Variants in TMTC2 observed in about 807,000 individuals in gnomAD.
TMTC2 encodes the protein protein O-mannosyl-transferase TMTC2.
TMTC2 carries 43 observed loss-of-function variants against 82.4 expected under a neutral mutation model. That is an observed-to-expected ratio of 0.52 (90% CI 0.41 to 0.67). The LOEUF (loss-of-function observed/expected upper bound fraction) is 0.67, where lower values mean the gene tolerates loss of function less well. TMTC2 is among the 30% of genes least tolerant of loss of function. The pLI, the probability that TMTC2 is intolerant of heterozygous loss-of-function variation, is 0.00. For missense variants in TMTC2, 919 were observed against 1,012.4 expected, an observed-to-expected ratio of 0.91 and a Z score of 1.25; for synonymous variants, 408 against 381.9, an observed-to-expected ratio of 1.07 and a Z score of -0.80.
At chr12:82,954,151 C>A (rs947451750) in intron 4 of TMTC2, among the ~76,000 whole-genome samples, 1 of 152,074 alleles carries the variant, frequency 6.6e-6, no homozygotes, top group Non-Finnish European at 1.5e-5. Context: ...ATTTTATTTT[C>A]ATGAAGCCTG....
chr12:82,801,206 C>T lies in TMTC2; in HGVS notation c.84-55804C>T, dbSNP rs552908587. On this transcript the variant is annotated intron_variant, in intron 1 of 11. Transcript: ENST00000321196. ...GGTCTCACTGACTTCAAGAATGAAG[C>T]CGCGGACCCTTGCGGTGAGTGTTAC... Among the ~76,000 whole-genome samples, 6 of 152,118 alleles carry T rather than the reference C, an allele frequency of 3.9e-5. No individual in the cohort carries two copies. In the East Asian group the frequency reaches 1.2e-3, roughly 29 times the overall value.
rs936295933 is a variant in TMTC2, at chr12:82,881,358, G to A, written c.655-14460G>A. The stretch of plus-strand genomic sequence containing the variant: ...ATTTGTGTATTAACTTTCCGACATC[G>A]TAATTTCCATTCATGATTTTAAAAG... On this transcript the variant is annotated intron_variant, in intron 2 of 11. Transcript: ENST00000321196. Among the ~76,000 whole-genome samples the A allele has an allele frequency of 2.6e-5, 4 of 152,180 alleles. No individual in the cohort carries two copies. In the South Asian group the frequency reaches 6.2e-4, roughly 24 times the overall value.
chr12:82,901,504 A>G (rs1396829640), intron 3 of TMTC2, among the ~76,000 whole-genome samples: 3 of 151,150 alleles, frequency 2.0e-5, no homozygotes, highest in South Asian at 4.2e-4. Flanking sequence ...GGGTTTCACT[A>G]TCTTGGCCAG....
chr12:82,941,334 C>G (rs1876707639), intron 4 of TMTC2, among the ~76,000 whole-genome samples: 1 of 152,106 alleles, frequency 6.6e-6, no homozygotes, highest in Non-Finnish European at 1.5e-5. Flanking sequence ...CCATTTTCCC[C>G]TAGCACTGAG....
At chr12:83,049,764 T>A (rs1882280098) in intron 9 of TMTC2, among the ~76,000 whole-genome samples, 1 of 152,228 alleles carries the variant, frequency 6.6e-6, no homozygotes, top group African/African-American at 2.4e-5. Flanking sequence ...GCTGAACTAG[T>A]TTGCATTCCC....
At chr12:83,045,917 G>A (rs981557509) in intron 9 of TMTC2, among the ~76,000 whole-genome samples, 6 of 152,048 alleles carry the variant, frequency 3.9e-5, no homozygotes, top group African/African-American at 1.4e-4. Flanking sequence ...GGAGTTGTGC[G>A]AGTGGGGAGA....
chr12:82,795,102 C>T (rs12427130), intron 1 of TMTC2, among the ~76,000 whole-genome samples: 48,980 of 151,572 alleles, frequency 0.32, 8,046 homozygotes, highest in Middle Eastern at 0.55. Context: ...GTCAGGAGTT[C>T]GAGACCAGCG....
At chr12:82,875,366 A>T (rs964601958) in intron 2 of TMTC2, among the ~76,000 whole-genome samples, 1 of 147,778 alleles carries the variant, frequency 6.8e-6, no homozygotes, top group African/African-American at 2.7e-5. Flanking sequence ...ATTAAATCAT[A>T]TATGTGTGTA....
intron 7 of TMTC2, among the ~76,000 whole-genome samples, chr12:82,970,143 T>G (rs1271036426): frequency 1.3e-5 from 2 of 152,228 alleles, no homozygotes; most frequent in Admixed American, 1.3e-4. Flanking sequence ...CTTTGATACT[T>G]TCTCCCTGAG....
At chr12:82,808,362 G>A (rs1016714340) in intron 1 of TMTC2, among the ~76,000 whole-genome samples, 2 of 151,832 alleles carry the variant, frequency 1.3e-5, no homozygotes, top group South Asian at 2.1e-4. Flanking sequence ...TTTCTTTAGC[G>A]AATATAAGAA....
chr12:82,756,510 G>A (rs368840687), intron 1 of TMTC2, among the ~76,000 whole-genome samples: 14 of 152,328 alleles, frequency 9.2e-5, no homozygotes, highest in East Asian at 1.9e-4. Context: ...ACTGCTTCCA[G>A]ATTTGGTCAC....
chr12:82,735,219 C>T (rs189222438), intron 1 of TMTC2, among the ~76,000 whole-genome samples: 109 of 152,120 alleles, frequency 7.2e-4, no homozygotes, highest in African/African-American at 2.6e-3. Context: ...TATCAAATAC[C>T]AAAATAAACC....
chr12:82,956,810 A>G (rs867156934), intron 4 of TMTC2, among the ~76,000 whole-genome samples: 2 of 152,160 alleles, frequency 1.3e-5, no homozygotes, highest in South Asian at 4.1e-4. Flanking sequence ...AGCGCATTCC[A>G]TAATGTAAAG....
chr12:82,696,978 A>C (rs1485287747), intron 1 of TMTC2, among the ~76,000 whole-genome samples: 3 of 150,826 alleles, frequency 2.0e-5, no homozygotes, highest in Admixed American at 6.7e-5. Context: ...ATATATATAT[A>C]TATATGTTTC....
Position 83,017,693 on chromosome 12 carries a change from A to G in TMTC2, c.2071-13105A>G, listed in dbSNP as rs191424336. 2.4e-3 allele frequency among the ~76,000 whole-genome samples: 370 copies of G among 152,240 alleles called. 3 individuals are homozygous for G. The highest frequency in any genetic ancestry group is 2.8e-3 in the Non-Finnish European group (188 of 68,028). Reference sequence around the variant, plus strand: ...AGCAGTGGAAACAAGAGAGAATGACATGAATTAAGAAGTTACTTTTTCTTT... The same window carrying G: ...AGCAGTGGAAACAAGAGAGAATGACGTGAATTAAGAAGTTACTTTTTCTTT... On this transcript the variant is annotated intron_variant, in intron 8 of 11. Coordinates refer to ENST00000321196, the MANE Select transcript of TMTC2 (RefSeq NM_152588.3).
intron 1 of TMTC2, among the ~76,000 whole-genome samples, chr12:82,845,244 A>AT (rs1205852235): frequency 3.9e-5 from 5 of 127,932 alleles, no homozygotes; most frequent in Non-Finnish European, 7.8e-5. Context: ...AAAAAAAAAA[A>AT]AAAAAAAAAT....
At chr12:83,017,043 G>A (rs569254627) in intron 8 of TMTC2, among the ~76,000 whole-genome samples, 1 of 152,166 alleles carries the variant, frequency 6.6e-6, no homozygotes, top group African/African-American at 2.4e-5. Flanking sequence ...AATGTGTTTT[G>A]GTAAGTGGAG....
intron 9 of TMTC2, among the ~76,000 whole-genome samples, chr12:83,049,365 A>G (rs549909280): frequency 1.5e-4 from 23 of 152,148 alleles, no homozygotes; most frequent in African/African-American, 4.6e-4. Context: ...TTTTGTGTCC[A>G]CATGTACTCA....
chr12:83,011,218 T>C (rs1444872639), intron 8 of TMTC2, among the ~76,000 whole-genome samples: 4 of 152,222 alleles, frequency 2.6e-5, no homozygotes, highest in Non-Finnish European at 5.9e-5. Context: ...CCTTTTCCAT[T>C]AGGACTCCAT....
Sources: allele counts gnomAD v4.1 joint callset (sites outside exome capture counted in the v4.1 genomes callset), GRCh38; gene constraint gnomAD v4.1.1; transcripts MANE v1.5; gene names NCBI Gene and HGNC (gene_info 2026-07-23, HGNC 2026-07-21).